KCNK13: variants seen among roughly 807,000 people sequenced by gnomAD.
KCNK13 encodes potassium two pore domain channel subfamily K member 13, also known as potassium channel subfamily K member 13.
A neutral mutation model predicts 23.4 loss-of-function variants in KCNK13; 12 were observed. The ratio of observed to expected loss-of-function variants is 0.51; its 90% CI spans 0.33 to 0.83. The LOEUF (loss-of-function observed/expected upper bound fraction) is 0.83, where lower values mean the gene tolerates loss of function less well. KCNK13 is among the 40% of genes least tolerant of loss of function. The pLI is 0.02. For missense variants in KCNK13, 463 were observed against 556.3 expected, an observed-to-expected ratio of 0.83 and a Z score of 1.69; for synonymous variants, 231 against 229.5, an observed-to-expected ratio of 1.01 and a Z score of -0.06.
intron 1 of KCNK13, chr14:90,177,380 TG>T (rs1890434497): frequency 1.3e-5 from 2 of 152,234 alleles, no homozygotes; most frequent in African/African-American, 4.8e-5. Flanking sequence ...AAATCATTTG[TG>T]TTATCATCAC....
At chr14:90,063,581 C>T (rs1888971819) in intron 1 of KCNK13, among the ~76,000 whole-genome samples, 1 of 152,182 alleles carries the variant, frequency 6.6e-6, no homozygotes, top group South Asian at 2.1e-4. Flanking sequence ...GGCCTCCAAG[C>T]TGCAAAAAAG....
intron 1 of KCNK13, among the ~76,000 whole-genome samples, chr14:90,140,288 T>C (rs991156411): frequency 3.9e-5 from 6 of 152,188 alleles, no homozygotes; most frequent in Non-Finnish European, 7.3e-5. Flanking sequence ...TGTTCTCACC[T>C]ATAAAAGATG....
intron 1 of KCNK13, among the ~76,000 whole-genome samples, chr14:90,088,121 G>A (rs1846960962): frequency 6.6e-6 from 1 of 152,048 alleles, no homozygotes; most frequent in Non-Finnish European, 1.5e-5. Flanking sequence ...TTACACCTCA[G>A]CCTCCCGGGT....
intron 1 of KCNK13, among the ~76,000 whole-genome samples, chr14:90,111,982 G>A (rs1889620343): frequency 6.6e-6 from 1 of 152,094 alleles, no homozygotes; most frequent in South Asian, 2.1e-4. Flanking sequence ...TAGTCGTTCA[G>A]CAGAAAATCA....
intron 1 of KCNK13, among the ~76,000 whole-genome samples, chr14:90,102,671 A>G (rs1889496116): frequency 6.6e-6 from 1 of 152,162 alleles, no homozygotes; most frequent in South Asian, 2.1e-4. Flanking sequence ...CTCAGTCAGT[A>G]TGGCTGTGCT....
intron 1 of KCNK13, among the ~76,000 whole-genome samples, chr14:90,178,037 T>C (rs1368569361): frequency 3.9e-5 from 6 of 152,166 alleles, no homozygotes. Flanking sequence ...TCTGCTTTTT[T>C]CCACTTAACA....
intron 1 of KCNK13, among the ~76,000 whole-genome samples, chr14:90,065,145 T>A (rs535006579): frequency 2.0e-5 from 3 of 152,368 alleles, no homozygotes; most frequent in East Asian, 1.9e-4. Flanking sequence ...TATGCATTTT[T>A]AAAAATTAGA....
At chr14:90,114,067 C>T (rs1437364642) in intron 1 of KCNK13, among the ~76,000 whole-genome samples, 2 of 152,184 alleles carry the variant, frequency 1.3e-5, no homozygotes, top group Non-Finnish European at 2.9e-5. Context: ...TCAAAATGCC[C>T]TAGACCAAAG....
chr14:90,087,152 A>G (rs71415436), intron 1 of KCNK13, among the ~76,000 whole-genome samples: 1 of 93,578 alleles, frequency 1.1e-5, no homozygotes, highest in African/African-American at 4.3e-5. Context: ...ATATATATAT[A>G]TATTTTTTTT....
intron 1 of KCNK13, among the ~76,000 whole-genome samples, chr14:90,163,849 C>T (rs1382105128): frequency 6.6e-6 from 1 of 152,116 alleles, no homozygotes; most frequent in African/African-American, 2.4e-5. Context: ...GCCACCACCC[C>T]CAGCTAATTT....
intron 1 of KCNK13, among the ~76,000 whole-genome samples, chr14:90,133,230 A>G (rs578098206): frequency 1.1e-4 from 17 of 152,340 alleles, no homozygotes; most frequent in Admixed American, 5.9e-4. Context: ...GTACGTGACA[A>G]ATCAGGCACA....
Position 90,118,700 on chromosome 14 carries a change from T to C in KCNK13, c.334+56161T>C, listed in dbSNP as rs535844474. Among the ~76,000 whole-genome samples the C allele has an allele frequency of 1.1e-4, 16 of 152,288 alleles. No homozygotes were observed. The South Asian group carries it at 3.1e-3, about 30-fold the overall frequency. On this transcript the variant is annotated intron_variant, in intron 1 of 1. Transcript: ENST00000282146. ...ACCGTTTTCCACAACAACTGCAACA[T>C]CTTACATCCCCACGGGAATGCACAA...
chr14:90,145,690 A>G (rs994033439), intron 1 of KCNK13, among the ~76,000 whole-genome samples: 1 of 151,608 alleles, frequency 6.6e-6, no homozygotes, highest in East Asian at 2.0e-4. Context: ...TTTTCTTTCT[A>G]TTTGTTATGT....
chr14:90,069,201 T>A (rs909507140), intron 1 of KCNK13, among the ~76,000 whole-genome samples: 3 of 151,902 alleles, frequency 2.0e-5, no homozygotes, highest in Non-Finnish European at 4.4e-5. Context: ...CACACCCAGC[T>A]AATTTTTGTA....
intron 1 of KCNK13, among the ~76,000 whole-genome samples, chr14:90,087,290 T>A (rs1005913976): frequency 6.6e-6 from 1 of 151,764 alleles, no homozygotes; most frequent in Non-Finnish European, 1.5e-5. Flanking sequence ...CAGGCCATTA[T>A]TTCGTGGTTT....
intron 1 of KCNK13, among the ~76,000 whole-genome samples, chr14:90,175,042 G>A (rs1890408032): frequency 6.6e-6 from 1 of 152,120 alleles, no homozygotes; most frequent in South Asian, 2.1e-4. Context: ...CATGACAGTG[G>A]ATCCATTTGG....
chr14:90,062,218 G>A lies in KCNK13; in HGVS notation c.13G>A (p.Gly5Ser), dbSNP rs372011411. The stretch of plus-strand genomic sequence containing the variant: ...CGGGGGCCCGGCCATGGCTGGCCGG[G>A]GTTTCAGCTGGGGCCCGGGCCACCT... MAGR[G>S]FSWGPGHLNE... The change falls in exon 1 of 2, where the codon GGT (glycine) becomes AGT (serine). Residue 5 changes from glycine (G) to serine (S), a missense_variant. Transcript: ENST00000282146. This position sits in a 1 kb window ranked among gnomAD's most constrained non-coding sequence, Gnocchi z 4.5. The A allele has an allele frequency of 2.1e-6, 3 of 1,460,712 alleles. No individual in the cohort carries two copies. The highest frequency in any genetic ancestry group is 1.5e-5 in the African/African-American group (1 of 68,064). 90.5% of individuals were successfully genotyped at this position (1,460,712 alleles called of 1,614,324 possible).
At chr14:90,130,042 G>C (rs1188586038) in intron 1 of KCNK13, among the ~76,000 whole-genome samples, 2 of 152,086 alleles carry the variant, frequency 1.3e-5, no homozygotes, top group African/African-American at 2.4e-5. Context: ...TCTTTCAATG[G>C]AATATAATGT....
chr14:90,143,179 TCTTTTCTTTTCTTTCTTTCTTTTCTTTC>T (rs1566644756), intron 1 of KCNK13, among the ~76,000 whole-genome samples: 3 of 36,406 alleles, frequency 8.2e-5, no homozygotes, highest in Non-Finnish European at 2.2e-4. Context: ...TTCTTTCTTT[TCTTTTCTTTTCTTTCTTTCTTTTCTTTC>T]TTTTCTTTTT....
Sources: gnomAD v4.1 joint callset for allele counts (sites outside exome capture counted in the v4.1 genomes callset) on GRCh38, gnomAD v4.1.1 for gene constraint, Gnocchi (gnomAD v3.1) non-coding constraint, MANE v1.5 for transcripts, NCBI Gene and HGNC (gene_info 2026-07-23, HGNC 2026-07-21) for gene names.